SCN1A: variants seen among roughly 807,000 people sequenced by gnomAD.
SCN1A encodes sodium channel protein type 1 subunit alpha.
In SCN1A, 13 loss-of-function variants were observed where a neutral mutation model predicts 193.7. The ratio of observed to expected loss-of-function variants is 0.07; its 90% CI spans 0.04 to 0.11. The LOEUF is 0.11. Among genes scored for constraint, SCN1A ranks in the 10% least tolerant of loss-of-function variants. The pLI is 1.00. For synonymous variants in SCN1A, 781 were observed against 843.6 expected, an observed-to-expected ratio of 0.93 and a Z score of 1.29; for missense variants, 1,432 against 2,451.1, an observed-to-expected ratio of 0.58 and a Z score of 8.78.
At chr2:166,044,987 C>T in intron 13 of SCN1A, 56 bp downstream of exon 13, 3 of 1,579,670 alleles carry the variant, frequency 1.9e-6, no homozygotes, top group Non-Finnish European at 2.6e-6. Flanking sequence ...AATTCTCCCC[C>T]TCTCTCCCAT....
At chr2:165,998,265 A>G in intron 25 of SCN1A, 90 bp from the exon 26 acceptor site, 1 of 1,093,984 alleles carries the variant, frequency 9.1e-7, no homozygotes, top group Non-Finnish European at 1.3e-6. Flanking sequence ...AGAAAAAATT[A>G]TTCTTACTAA....
Position 166,108,322 on chromosome 2 carries a change from G to C in SCN1A, c.-142+18602C>G, listed in dbSNP as rs150879258. Among the ~76,000 whole-genome samples, 858 of 152,116 alleles carry C rather than the reference G, an allele frequency of 5.6e-3. 10 individuals are homozygous for C. The highest frequency in any genetic ancestry group is 0.02 in the African/African-American group (828 of 41,520). On this transcript the variant is annotated intron_variant, in intron 2 of 28. Coordinates refer to ENST00000674923, the MANE Select transcript of SCN1A (RefSeq NM_001165963.4). ...AACAGATAATCACAAGTGTTGGGAAGGATATAGAGAAACTGGAACCCTCAT... is the reference window on the plus strand; with the variant it reads ...AACAGATAATCACAAGTGTTGGGAACGATATAGAGAAACTGGAACCCTCAT...
intron 6 of SCN1A, among the ~76,000 whole-genome samples, chr2:166,056,012 T>C (rs1699093790): frequency 6.6e-6 from 1 of 152,030 alleles, no homozygotes. Flanking sequence ...CTTTGCGAGG[T>C]TCAATGTTGT....
chr2:166,117,736 C>T (rs542295441), intron 2 of SCN1A, among the ~76,000 whole-genome samples: 1 of 152,262 alleles, frequency 6.6e-6, no homozygotes, highest in Admixed American at 6.5e-5. Flanking sequence ...GAGGTTCATG[C>T]CTGTAATCCC....
chr2:166,039,350 A>G (rs1468604863), intron 17 of SCN1A, 73 bp downstream of exon 17: 12 of 1,481,898 alleles, frequency 8.1e-6, no homozygotes, highest in African/African-American at 2.8e-5. Flanking sequence ...CAAAAAAACT[A>G]TGACATTGCT....
chr2:166,081,321 T>A (rs1685496542), intron 2 of SCN1A, among the ~76,000 whole-genome samples: 1 of 152,058 alleles, frequency 6.6e-6, no homozygotes, highest in South Asian at 2.1e-4. Context: ...CACACAGAAG[T>A]CTTAACTGTA....
chr2:166,123,464 T>C (rs551875545), intron 2 of SCN1A: 1 of 152,088 alleles, frequency 6.6e-6, no homozygotes, highest in African/African-American at 2.4e-5. Flanking sequence ...AATAGTACCT[T>C]TTCAATATTT....
chr2:166,018,868 T>C (rs1002943889), intron 19 of SCN1A, among the ~76,000 whole-genome samples: 1 of 152,140 alleles, frequency 6.6e-6, no homozygotes, highest in Non-Finnish European at 1.5e-5. Flanking sequence ...CCATATTACA[T>C]TGGTAACTCT....
Position 166,038,202 on chromosome 2 carries a change from G to T in SCN1A, c.2590-70C>A, listed in dbSNP as rs911169933. 7 of 1,199,458 alleles carry T rather than the reference G, an allele frequency of 5.8e-6. 1 individual carries two copies. Among genetic ancestry groups the T allele is most frequent in the Middle Eastern group, 2.1e-4 (1 of 4,844 alleles). 74.3% of individuals were successfully genotyped at this position (1,199,458 alleles called of 1,614,324 possible). ...CATTATATATATTGAGCTTTACCTA[G>T]AAATGGTCATTAGAATTCAATATCT... On this transcript the variant is annotated intron_variant, in intron 17 of 28. Transcript: ENST00000674923.
intron 19 of SCN1A, among the ~76,000 whole-genome samples, chr2:166,026,504 T>C (rs188511523): frequency 5.9e-5 from 9 of 152,194 alleles, no homozygotes; most frequent in African/African-American, 2.2e-4. Flanking sequence ...ACGGCAAAAC[T>C]AAAATATTCT....
intron 2 of SCN1A, among the ~76,000 whole-genome samples, chr2:166,097,594 T>A (rs1463843959): frequency 6.6e-6 from 1 of 151,022 alleles, no homozygotes; most frequent in Non-Finnish European, 1.5e-5. Context: ...TGTATTCAAT[T>A]AAAAAAAAAT....
chr2:166,091,557 A>G (rs1686803104), intron 2 of SCN1A, among the ~76,000 whole-genome samples: 1 of 152,200 alleles, frequency 6.6e-6, no homozygotes, highest in Admixed American at 6.5e-5. Flanking sequence ...GGTAAAGGAC[A>G]TGAACCAAGC....
At chr2:166,015,992 A>G (rs1693246615) in intron 19 of SCN1A, 1 of 416,760 alleles carries the variant, frequency 2.4e-6, no homozygotes, top group African/African-American at 2.0e-5. Flanking sequence ...TACTGAGCAA[A>G]ACACTGCCTT....
chr2:166,021,968 A>G (rs935093677), intron 19 of SCN1A, among the ~76,000 whole-genome samples: 3 of 152,174 alleles, frequency 2.0e-5, no homozygotes, highest in Non-Finnish European at 2.9e-5. Flanking sequence ...AAAACTCCCT[A>G]TAGTCCCAGC....
At chr2:166,045,792 CT>C (rs1697760906) in intron 12 of SCN1A, among the ~76,000 whole-genome samples, 2 of 152,078 alleles carry the variant, frequency 1.3e-5, no homozygotes, top group Admixed American at 1.3e-4. Flanking sequence ...GTCCAATACC[CT>C]CAAAATATTA....
chr2:166,061,329 G>A (rs1421077050), intron 4 of SCN1A, among the ~76,000 whole-genome samples: 1 of 152,140 alleles, frequency 6.6e-6, no homozygotes, highest in African/African-American at 2.4e-5. Context: ...AAAAGTAAAA[G>A]AGGCAAGATT....
intron 4 of SCN1A, among the ~76,000 whole-genome samples, chr2:166,059,813 A>G (rs1683096928): frequency 6.6e-6 from 1 of 152,166 alleles, no homozygotes; most frequent in Non-Finnish European, 1.5e-5. Flanking sequence ...CTATACTTGC[A>G]GGATTTTCTA....
chr2:166,023,739 G>A (rs1220441474), intron 19 of SCN1A, among the ~76,000 whole-genome samples: 1 of 151,398 alleles, frequency 6.6e-6, no homozygotes, highest in Non-Finnish European at 1.5e-5. Flanking sequence ...TCAACATAGT[G>A]AGATCCTGCT....
intron 22 of SCN1A, among the ~76,000 whole-genome samples, chr2:166,011,805 A>C (rs1481017098): frequency 6.6e-6 from 1 of 151,078 alleles, no homozygotes; most frequent in Non-Finnish European, 1.5e-5. Context: ...TAAAGGATTT[A>C]AGCAACATAC....
Sources: allele counts gnomAD v4.1 joint callset (sites outside exome capture counted in the v4.1 genomes callset), GRCh38; gene constraint gnomAD v4.1.1; transcripts MANE v1.5; gene names NCBI Gene and HGNC (gene_info 2026-07-23, HGNC 2026-07-21).